ARK2C: variants seen among roughly 807,000 people sequenced by gnomAD.
The protein encoded by ARK2C is arkadia (RNF111) C-terminal like ring finger ubiquitin ligase 2C.
At chr18:46,443,617 C>T in the ARK2C span, among the ~76,000 whole-genome samples, 1 of 152,172 alleles carries the variant, frequency 6.6e-6, no homozygotes, top group Admixed American at 6.5e-5. Flanking sequence ...GGAACATAGA[C>T]ACATCTATTT....
the ARK2C span, among the ~76,000 whole-genome samples, chr18:46,401,792 C>T: frequency 1.3e-5 from 2 of 152,046 alleles, no homozygotes; most frequent in East Asian, 1.9e-4. Context: ...AGAGGATCTC[C>T]TTCTATGGTT....
At chr18:46,404,607 G>A in the ARK2C span, among the ~76,000 whole-genome samples, 1 of 152,032 alleles carries the variant, frequency 6.6e-6, no homozygotes, top group Non-Finnish European at 1.5e-5. Flanking sequence ...ACCAAAATTA[G>A]CAGGGCATGG....
At chr18:46,432,939 C>T in the ARK2C span, among the ~76,000 whole-genome samples, 1,217 of 152,106 alleles carry the variant, frequency 8.0e-3, 15 homozygotes, top group African/African-American at 0.028. Context: ...AGCGAGACTC[C>T]GTCTCAAAAA....
chr18:46,450,423 A>G, the ARK2C span: 1 of 1,543,622 alleles, frequency 6.5e-7, no homozygotes, highest in Non-Finnish European at 9.0e-7. Context: ...GTCTGGTACC[A>G]ACTGGGTTGG....
the ARK2C span, among the ~76,000 whole-genome samples, chr18:46,412,121 C>T: frequency 6.6e-6 from 1 of 152,234 alleles, no homozygotes; most frequent in Non-Finnish European, 1.5e-5. Flanking sequence ...ATCTCACAGC[C>T]CTGGGAATCA....
At chr18:46,462,895 C>T in the ARK2C span, 2 of 152,260 alleles carry the variant, frequency 1.3e-5, no homozygotes, top group African/African-American at 2.4e-5. Flanking sequence ...AAGGATTATC[C>T]TCAGTGTTGA....
At chr18:46,433,235 G>A in the ARK2C span, 1 of 1,604,772 alleles carries the variant, frequency 6.2e-7, no homozygotes, top group Non-Finnish European at 8.5e-7. Flanking sequence ...ACCTCCTGCC[G>A]CCACTTCCAC....
At chr18:46,389,608 C>T in the ARK2C span, among the ~76,000 whole-genome samples, 14 of 152,178 alleles carry the variant, frequency 9.2e-5, no homozygotes, top group African/African-American at 2.2e-4. Flanking sequence ...CATCCCTCAT[C>T]GCTTCTCCAA....
At chr18:46,366,511 A>G in the ARK2C span, among the ~76,000 whole-genome samples, 2 of 152,100 alleles carry the variant, frequency 1.3e-5, no homozygotes, top group Non-Finnish European at 2.9e-5. Context: ...CAATTTGGTG[A>G]GGAGGCATGG....
At chr18:46,409,599 C>T in the ARK2C span, among the ~76,000 whole-genome samples, 1 of 152,164 alleles carries the variant, frequency 6.6e-6, no homozygotes, top group Non-Finnish European at 1.5e-5. Context: ...AGTTGTGGTG[C>T]AGAGGAGGGA....
At chr18:46,363,752 A>G in the ARK2C span, among the ~76,000 whole-genome samples, 1 of 152,046 alleles carries the variant, frequency 6.6e-6, no homozygotes, top group Non-Finnish European at 1.5e-5. Context: ...AAGCTCCTTG[A>G]GGGCAGGAAA....
chr18:46,373,508 C>A, the ARK2C span, among the ~76,000 whole-genome samples: 2 of 152,190 alleles, frequency 1.3e-5, no homozygotes, highest in Non-Finnish European at 2.9e-5. Context: ...CAGGTCACTG[C>A]ATGATGTCTC....
At chr18:46,373,982 A>T in the ARK2C span, among the ~76,000 whole-genome samples, 1 of 151,914 alleles carries the variant, frequency 6.6e-6, no homozygotes, top group African/African-American at 2.4e-5. Context: ...TGTGGTTCCC[A>T]TGGTAAACCC....
At chr18:46,334,253 C>T in the ARK2C span, 14 of 1,470,278 alleles carry the variant, frequency 9.5e-6, no homozygotes, top group African/African-American at 1.5e-4. This position sits in a 1 kb window ranked among gnomAD's most constrained non-coding sequence, Gnocchi z 4.4. Context: ...CCGCCGCCGC[C>T]GCCGCCGCGC....
the ARK2C span, among the ~76,000 whole-genome samples, chr18:46,391,840 A>G: frequency 3.3e-5 from 5 of 151,642 alleles, no homozygotes; most frequent in Non-Finnish European, 7.4e-5. Flanking sequence ...TACAGACCAC[A>G]TACCCTGCAC....
At chr18:46,444,770 G>T in the ARK2C span, among the ~76,000 whole-genome samples, 5 of 152,006 alleles carry the variant, frequency 3.3e-5, no homozygotes, top group Non-Finnish European at 5.9e-5. Context: ...ACTGTGCCTG[G>T]CTCATTTTGG....
chr18:46,405,092 G>A, the ARK2C span, among the ~76,000 whole-genome samples: 2 of 151,948 alleles, frequency 1.3e-5, no homozygotes, highest in East Asian at 1.9e-4. Flanking sequence ...CTTTTATCTA[G>A]GACCTGATTC....
At chr18:46,351,892 TG>T in the ARK2C span, among the ~76,000 whole-genome samples, 199 of 152,326 alleles carry the variant, frequency 1.3e-3, no homozygotes, top group Admixed American at 6.3e-3. Flanking sequence ...TGTGTTGGGA[TG>T]GGATACCAAG....
At chr18:46,368,110 G>A in the ARK2C span, among the ~76,000 whole-genome samples, 1 of 152,224 alleles carries the variant, frequency 6.6e-6, no homozygotes, top group African/African-American at 2.4e-5. Context: ...CATACAAATG[G>A]TGGGAAACTA....
Sources: gnomAD v4.1 joint callset for allele counts (sites outside exome capture counted in the v4.1 genomes callset) on GRCh38, gnomAD v4.1.1 for gene constraint, Gnocchi (gnomAD v3.1) non-coding constraint, MANE v1.5 for transcripts, NCBI Gene and HGNC (gene_info 2026-07-23, HGNC 2026-07-21) for gene names.